Variants in STK4 observed in about 807,000 individuals in gnomAD.
STK4 encodes the protein serine/threonine-protein kinase 4.
STK4 carries 30 observed loss-of-function variants against 64.9 expected under a neutral mutation model. That is an observed-to-expected ratio of 0.46 (90% confidence interval 0.35 to 0.63). The LOEUF (loss-of-function observed/expected upper bound fraction) is 0.63, where lower values mean the gene tolerates loss of function less well. Among genes scored for constraint, STK4 ranks in the 20% least tolerant of loss-of-function variants. The pLI, the probability that STK4 is intolerant of heterozygous loss-of-function variation, is 0.01. For missense variants in STK4, 466 were observed against 598.5 expected (o/e 0.78, Z 2.31); for synonymous variants, 177 against 199.0 (o/e 0.89, Z 0.93).
intron 2 of STK4, 44 bp from the exon 3 acceptor site, chr20:44,978,399 C>T: frequency 1.3e-6 from 2 of 1,581,678 alleles, no homozygotes; most frequent in Non-Finnish European, 1.7e-6. Context: ...TATATCTTGG[C>T]TTGCTTTGAC....
Position 44,971,948 on chromosome 20 carries a change from A to G in STK4, c.36-130A>G, listed in dbSNP as rs1297597398. 3.6e-6 allele frequency: 3 copies of G among 825,616 alleles called. No homozygotes were observed. In the African/African-American group the frequency reaches 5.4e-5, roughly 15 times the overall value. 51.1% of individuals were successfully genotyped at this position (825,616 alleles called of 1,614,324 possible). ...GGCCTCCCAAGAAACCTTGTTTCTTAAAACAGTCTTAACTAGTGAAGTCTG... is the reference window on the plus strand; with the variant it reads ...GGCCTCCCAAGAAACCTTGTTTCTTGAAACAGTCTTAACTAGTGAAGTCTG... On this transcript the variant is annotated intron_variant, in intron 1 of 10. Transcript: ENST00000372806.
intron 10 of STK4, among the ~76,000 whole-genome samples, chr20:45,060,774 T>C (rs1978924024): frequency 6.6e-6 from 1 of 152,234 alleles, no homozygotes; most frequent in Non-Finnish European, 1.5e-5. Context: ...CTCTAATTAA[T>C]GTTAGTGATC....
At chr20:45,063,782 A>G (rs1235544436) in intron 10 of STK4, among the ~76,000 whole-genome samples, 1 of 151,742 alleles carries the variant, frequency 6.6e-6, no homozygotes, top group African/African-American at 2.4e-5. Flanking sequence ...TGATATAAGG[A>G]AGGGGGGGGT....
intron 1 of STK4, among the ~76,000 whole-genome samples, chr20:44,971,022 G>A (rs371311940): frequency 3.8e-4 from 54 of 143,020 alleles, no homozygotes; most frequent in Non-Finnish European, 1.3e-4. Flanking sequence ...ATATTTCACC[G>A]TTTCCTCAGC....
intron 9 of STK4, chr20:45,007,863 A>G: frequency 2.9e-6 from 1 of 339,574 alleles, no homozygotes; most frequent in Non-Finnish European, 5.9e-6. Flanking sequence ...CCCAGTAGCT[A>G]GTTTTTCGAC....
At chr20:44,989,517 A>T (rs1210445359) in intron 5 of STK4, among the ~76,000 whole-genome samples, 4 of 144,744 alleles carry the variant, frequency 2.8e-5, no homozygotes. Context: ...TCTTATGTAC[A>T]TGATTTGCAA....
rs149486245 is a variant in STK4, at chr20:45,051,723, A to G, written c.1306-23295A>G. 1.2e-4 allele frequency among the ~76,000 whole-genome samples: 19 copies of G among 152,280 alleles called. 1 individual carries two copies. Among genetic ancestry groups the G allele is most frequent in the African/African-American group, 4.6e-4 (19 of 41,556 alleles). On this transcript the variant is annotated intron_variant, in intron 10 of 10. Coordinates refer to ENST00000372806, the MANE Select transcript of STK4 (RefSeq NM_006282.5). ...GGCAGTCACACTATCCTAAATTATT[A>G]TAGTGCCTTCTAAAGTAGATTTTGT...
At chr20:44,985,339 C>A (rs930170807) in intron 4 of STK4, among the ~76,000 whole-genome samples, 1 of 152,054 alleles carries the variant, frequency 6.6e-6, no homozygotes, top group Middle Eastern at 3.2e-3. Context: ...TAACGGTTAG[C>A]CTTTATTTAT....
intron 4 of STK4, among the ~76,000 whole-genome samples, chr20:44,984,288 A>T (rs1432179088): frequency 7.8e-6 from 1 of 127,734 alleles, no homozygotes; most frequent in Non-Finnish European, 1.6e-5. Context: ...TCCGCCTCCC[A>T]GGTTCATGCC....
At chr20:45,023,533 C>T (rs2068286472) in intron 9 of STK4, among the ~76,000 whole-genome samples, 1 of 152,172 alleles carries the variant, frequency 6.6e-6, no homozygotes, top group Non-Finnish European at 1.5e-5. Flanking sequence ...GCCGTATAAA[C>T]CCCTATGTTC....
intron 9 of STK4, among the ~76,000 whole-genome samples, chr20:45,014,542 T>A (rs952800026): frequency 2.0e-5 from 3 of 152,034 alleles, no homozygotes; most frequent in African/African-American, 7.2e-5. Flanking sequence ...AGCAAAAAAA[T>A]ATTTTTTTTT....
rs562665856 is a variant in STK4, at chr20:44,983,019, C to T, written c.360+1076C>T. ...GACGTTTACAGGAAGACTCAAATGACGAAAAGGAGCTAAGAGTCCTGAAGG... is the reference window on the plus strand; with the variant it reads ...GACGTTTACAGGAAGACTCAAATGATGAAAAGGAGCTAAGAGTCCTGAAGG... On this transcript the variant is annotated intron_variant, in intron 4 of 10. Transcript: ENST00000372806. Among the ~76,000 whole-genome samples the T allele has an allele frequency of 1.1e-4, 17 of 152,076 alleles. No homozygotes were observed. In the South Asian group the frequency reaches 1.9e-3, roughly 17 times the overall value.
intron 10 of STK4, among the ~76,000 whole-genome samples, chr20:45,057,888 C>A (rs1978626496): frequency 6.6e-6 from 1 of 152,004 alleles, no homozygotes; most frequent in South Asian, 2.1e-4. Context: ...TTTGATTATA[C>A]CAATTAAACA....
intron 9 of STK4, among the ~76,000 whole-genome samples, chr20:45,021,758 C>A (rs922538702): frequency 6.6e-6 from 1 of 152,168 alleles, no homozygotes; most frequent in Non-Finnish European, 1.5e-5. Context: ...TTGGTCTTTG[C>A]TTTATGCCTG....
chr20:45,027,884 G>A (rs953379453), intron 10 of STK4, among the ~76,000 whole-genome samples: 2 of 152,106 alleles, frequency 1.3e-5, no homozygotes, highest in African/African-American at 4.8e-5. Context: ...CTGTCTTATT[G>A]TAGCTAACAT....
At chr20:45,025,883 G>A (rs2068335467) in intron 10 of STK4, among the ~76,000 whole-genome samples, 1 of 152,180 alleles carries the variant, frequency 6.6e-6, no homozygotes, top group South Asian at 2.1e-4. Flanking sequence ...TGGTAGGCCT[G>A]TCTAGTTCTG....
intron 5 of STK4, among the ~76,000 whole-genome samples, chr20:44,988,533 G>GTGTGTGTGTGTGTGTGTATATA (rs1221720136): frequency 9.8e-6 from 1 of 101,576 alleles, no homozygotes; most frequent in African/African-American, 4.8e-5. Flanking sequence ...ATGTGTGTGT[G>GTGTGTGTGTGTGTGTGTATATA]TATATATATA....
chr20:45,034,518 A>G (rs2068495705), intron 10 of STK4, among the ~76,000 whole-genome samples: 1 of 152,234 alleles, frequency 6.6e-6, no homozygotes, highest in African/African-American at 2.4e-5. Context: ...AAAAATATGC[A>G]AGATACTTTT....
intron 10 of STK4, chr20:45,053,179 TG>T (rs761814953): frequency 1.2e-6 from 2 of 1,610,976 alleles, no homozygotes; most frequent in South Asian, 2.2e-5. Context: ...AGAAACCACA[TG>T]GTAAATGAAT....
Sources: gnomAD v4.1 joint callset for allele counts (sites outside exome capture counted in the v4.1 genomes callset) on GRCh38, gnomAD v4.1.1 for gene constraint, MANE v1.5 for transcripts, NCBI Gene and HGNC (gene_info 2026-07-23, HGNC 2026-07-21) for gene names.